ZNF407: variants seen among roughly 807,000 people sequenced by gnomAD.
ZNF407 encodes the protein zinc finger protein 407.
ZNF407 carries 17 observed loss-of-function variants against 131.2 expected under a neutral mutation model. The ratio of observed to expected loss-of-function variants is 0.13; its 90% CI spans 0.09 to 0.19. ZNF407 has a LOEUF of 0.19. Among genes scored for constraint, ZNF407 ranks in the 10% least tolerant of loss-of-function variants. The probability of loss-of-function intolerance (pLI) is 1.00; values close to 1 mark genes in which losing one functional copy is unlikely to be tolerated. For synonymous variants in ZNF407, 1,156 were observed against 1,062.0 expected, an observed-to-expected ratio of 1.09 and a Z score of -1.72; for missense variants, 2,681 against 2,830.6, an observed-to-expected ratio of 0.95 and a Z score of 1.20.
chr18:74,678,955 A>G (rs1190186723), intron 3 of ZNF407, among the ~76,000 whole-genome samples: 1 of 150,840 alleles, frequency 6.6e-6, no homozygotes, highest in Non-Finnish European at 1.5e-5. Flanking sequence ...TAAGCTATAT[A>G]GTAAAATGGG....
chr18:74,860,593 C>A (rs1599203210), intron 4 of ZNF407, among the ~76,000 whole-genome samples: 1 of 151,782 alleles, frequency 6.6e-6, no homozygotes, highest in Non-Finnish European at 1.5e-5. Flanking sequence ...TACTCATTAT[C>A]TTTCTACTAA....
chr18:74,744,051 C>T (rs1049480680), intron 3 of ZNF407, among the ~76,000 whole-genome samples: 6 of 152,166 alleles, frequency 3.9e-5, no homozygotes, highest in Non-Finnish European at 7.3e-5. Flanking sequence ...CCAATTTTGG[C>T]TCTCAAGTTA....
chr18:74,692,873 C>T (rs1454235138), intron 3 of ZNF407, among the ~76,000 whole-genome samples: 1 of 152,164 alleles, frequency 6.6e-6, no homozygotes, highest in Non-Finnish European at 1.5e-5. Context: ...TTGCCCTTCT[C>T]CTGCTGTGTG....
At chr18:74,792,429 A>G (rs565319757) in intron 4 of ZNF407, among the ~76,000 whole-genome samples, 21 of 150,390 alleles carry the variant, frequency 1.4e-4, no homozygotes, top group Middle Eastern at 3.4e-3. Context: ...CTCTTTTCTT[A>G]TTTATGATTA....
chr18:74,879,799 T>A (rs1411668947), intron 5 of ZNF407, among the ~76,000 whole-genome samples: 4 of 152,216 alleles, frequency 2.6e-5, no homozygotes, highest in Admixed American at 6.5e-5. Flanking sequence ...TCTCTTTAAG[T>A]ATATGTGTTC....
intron 3 of ZNF407, among the ~76,000 whole-genome samples, chr18:74,753,385 C>G (rs1968852827): frequency 2.6e-5 from 4 of 152,200 alleles, no homozygotes; most frequent in Non-Finnish European, 5.9e-5. Flanking sequence ...GCCAGAACTT[C>G]CAACACTGTT....
At chr18:74,848,004 CTT>C (rs1970726109) in intron 4 of ZNF407, among the ~76,000 whole-genome samples, 2 of 152,128 alleles carry the variant, frequency 1.3e-5, no homozygotes, top group African/African-American at 4.8e-5. Context: ...TTTTTATAAA[CTT>C]AAATTTAGAA....
Position 74,960,110 on chromosome 18 carries a change from G to A in ZNF407, c.5428+39418G>A, listed in dbSNP as rs181727586. ...AGTTTGAAATCCTAACGCAAGTACC[G>A]TGTTCATTTAGGTAAAAGTGCCTCT... On this transcript the variant is annotated intron_variant, in intron 8 of 8. Coordinates refer to ENST00000299687, the MANE Select transcript of ZNF407 (RefSeq NM_017757.3). Among the ~76,000 whole-genome samples the A allele has an allele frequency of 5.3e-4, 81 of 152,344 alleles. 1 individual carries two copies. Among genetic ancestry groups the A allele is most frequent in the Non-Finnish European group, 4.6e-4 (31 of 68,036 alleles).
intron 4 of ZNF407, among the ~76,000 whole-genome samples, chr18:74,874,459 T>C (rs1971128251): frequency 6.6e-6 from 1 of 152,160 alleles, no homozygotes; most frequent in Non-Finnish European, 1.5e-5. Flanking sequence ...CCACAGGGCT[T>C]GGCCCTATCC....
chr18:74,741,718 A>C (rs531113803), intron 3 of ZNF407, among the ~76,000 whole-genome samples: 1 of 152,282 alleles, frequency 6.6e-6, no homozygotes, highest in East Asian at 1.9e-4. Flanking sequence ...TGGTTGTCAG[A>C]TATACATACC....
intron 3 of ZNF407, among the ~76,000 whole-genome samples, chr18:74,694,203 T>A (rs1344163542): frequency 1.3e-5 from 2 of 152,176 alleles, no homozygotes; most frequent in African/African-American, 2.4e-5. Flanking sequence ...ATTTTCTTGA[T>A]CCTTTGGAGG....
At chr18:74,729,697 C>T (rs945625612) in intron 3 of ZNF407, among the ~76,000 whole-genome samples, 10 of 152,022 alleles carry the variant, frequency 6.6e-5, no homozygotes, top group African/African-American at 1.9e-4. Context: ...ACACAGGGAC[C>T]GTACACTTGG....
intron 4 of ZNF407, among the ~76,000 whole-genome samples, chr18:74,867,403 G>T (rs1482363685): frequency 6.6e-6 from 1 of 152,178 alleles, no homozygotes; most frequent in Non-Finnish European, 1.5e-5. Context: ...TATTTATAGA[G>T]CACTGATGAT....
intron 8 of ZNF407, among the ~76,000 whole-genome samples, chr18:75,013,500 A>C (rs1973007830): frequency 1.3e-5 from 2 of 152,172 alleles, no homozygotes; most frequent in Admixed American, 1.3e-4. Flanking sequence ...GAGAAAAAAC[A>C]TGTGGCTTGG....
chr18:74,674,875 C>G (rs1986292849), intron 3 of ZNF407, among the ~76,000 whole-genome samples: 1 of 152,166 alleles, frequency 6.6e-6, no homozygotes, highest in Non-Finnish European at 1.5e-5. Context: ...TGGGTAGTGT[C>G]CATTAATAAC....
At chr18:74,786,374 C>T (rs1326347823) in intron 4 of ZNF407, among the ~76,000 whole-genome samples, 1 of 152,104 alleles carries the variant, frequency 6.6e-6, no homozygotes, top group East Asian at 1.9e-4. Context: ...TTTCAGTCAC[C>T]TCTGTGTCCA....
intron 8 of ZNF407, among the ~76,000 whole-genome samples, chr18:74,992,538 C>A (rs79915706): frequency 6.6e-6 from 1 of 152,034 alleles, no homozygotes. Flanking sequence ...TGGGGAAATC[C>A]GCATTTCCAT....
intron 7 of ZNF407, among the ~76,000 whole-genome samples, chr18:74,902,101 T>C (rs1353218478): frequency 1.3e-5 from 2 of 152,206 alleles, no homozygotes; most frequent in Non-Finnish European, 2.9e-5. Context: ...AATTGTATAT[T>C]ATACTGTCCT....
Position 74,875,780 on chromosome 18 carries a change from T to A in ZNF407, c.4878-1417T>A, listed in dbSNP as rs1045793170. 2.0e-5 allele frequency among the ~76,000 whole-genome samples: 3 copies of A among 152,196 alleles called. No homozygotes were observed. In the East Asian group the frequency reaches 5.8e-4, roughly 29 times the overall value. On this transcript the variant is annotated intron_variant, in intron 4 of 8. Coordinates refer to ENST00000299687, the MANE Select transcript of ZNF407 (RefSeq NM_017757.3). ...CATGTTAACGGGTGTAAATATAGTA[T>A]CTCTTTACATATATAGATAAATAAA...
Sources: allele counts gnomAD v4.1 joint callset (sites outside exome capture counted in the v4.1 genomes callset), GRCh38; gene constraint gnomAD v4.1.1; transcripts MANE v1.5; gene names NCBI Gene and HGNC (gene_info 2026-07-23, HGNC 2026-07-21).